The following SPOCK3 variants were observed in gnomAD, a reference collection of about 807,000 sequenced individuals.
The protein encoded by SPOCK3 is testican-3.
In SPOCK3, 30 loss-of-function variants were observed where a neutral mutation model predicts 56.6. That is an observed-to-expected ratio of 0.53 (90% CI 0.40 to 0.72). The LOEUF is 0.72. Among genes scored for constraint, SPOCK3 ranks in the 30% least tolerant of loss-of-function variants. The pLI is 0.00. For synonymous variants in SPOCK3, 196 were observed against 183.3 expected, an observed-to-expected ratio of 1.07 and a Z score of -0.56; for missense variants, 527 against 530.0, an observed-to-expected ratio of 0.99 and a Z score of 0.06.
intron 3 of SPOCK3, among the ~76,000 whole-genome samples, chr4:167,043,669 C>T (rs918102657): frequency 5.9e-5 from 9 of 151,860 alleles, no homozygotes; most frequent in African/African-American, 2.2e-4. Flanking sequence ...TTGTTAAATG[C>T]TTTTTCTCCA....
At chr4:166,915,907 T>C (rs1561005293) in intron 4 of SPOCK3, among the ~76,000 whole-genome samples, 4 of 152,182 alleles carry the variant, frequency 2.6e-5, no homozygotes. Context: ...CTTCCACTAA[T>C]GAAGTAAAAA....
chr4:166,906,495 A>AT (rs1427836858), intron 5 of SPOCK3, among the ~76,000 whole-genome samples: 1 of 151,362 alleles, frequency 6.6e-6, no homozygotes, highest in South Asian at 2.1e-4. Context: ...AAAAAAAAAA[A>AT]AAAAAACCTA....
intron 7 of SPOCK3, 69 bp from the exon 8 acceptor site, chr4:166,754,798 C>A: frequency 6.9e-7 from 1 of 1,451,130 alleles, no homozygotes; most frequent in South Asian, 1.2e-5. Context: ...CAAAATAAGT[C>A]AACATAGCAG....
intron 7 of SPOCK3, among the ~76,000 whole-genome samples, chr4:166,784,208 A>G (rs1368292524): frequency 6.6e-6 from 1 of 152,156 alleles, no homozygotes; most frequent in Non-Finnish European, 1.5e-5. Context: ...AATAAAGGAT[A>G]ACCAAAAGTT....
intron 5 of SPOCK3, 58 bp from the exon 6 acceptor site, chr4:166,889,302 C>A (rs1233998177): frequency 1.1e-5 from 12 of 1,120,204 alleles, no homozygotes; most frequent in Non-Finnish European, 1.6e-5. Context: ...CAGTAAAACT[C>A]AAGAAATTTT....
At chr4:166,938,411 A>G (rs976040089) in intron 4 of SPOCK3, among the ~76,000 whole-genome samples, 9 of 152,200 alleles carry the variant, frequency 5.9e-5, no homozygotes, top group Admixed American at 2.0e-4. Context: ...GGAAGTATAC[A>G]TTCATAATTA....
Position 166,861,945 on chromosome 4 carries a change from A to G in SPOCK3, c.589+27185T>C, listed in dbSNP as rs529770064. Reference sequence around the variant, plus strand: ...TGGATCCATTAGCTCCACTTTAGCAATCCCCAGATAGTATTTTATTCCCTT... The same window carrying G: ...TGGATCCATTAGCTCCACTTTAGCAGTCCCCAGATAGTATTTTATTCCCTT... On this transcript the variant is annotated intron_variant, in intron 6 of 10. Coordinates refer to ENST00000357545, the MANE Select transcript of SPOCK3 (RefSeq NM_001040159.2). 2.0e-5 allele frequency among the ~76,000 whole-genome samples: 3 copies of G among 152,152 alleles called. No homozygotes were observed. The East Asian group carries it at 5.8e-4, about 29-fold the overall frequency.
At chr4:166,921,378 C>A (rs1233397775) in intron 4 of SPOCK3, among the ~76,000 whole-genome samples, 1 of 147,082 alleles carries the variant, frequency 6.8e-6, no homozygotes, top group Non-Finnish European at 1.5e-5. Flanking sequence ...GGCTGGAGTG[C>A]AGTGGCACAA....
chr4:166,745,317 G>C (rs62352831), intron 8 of SPOCK3, among the ~76,000 whole-genome samples: 37,129 of 152,072 alleles, frequency 0.24, 5,545 homozygotes, highest in African/African-American at 0.41. Context: ...AGCCAGAAGA[G>C]AGTGGGGGCC....
intron 6 of SPOCK3, among the ~76,000 whole-genome samples, chr4:166,830,876 A>C (rs1745971739): frequency 6.6e-6 from 1 of 152,226 alleles, no homozygotes; most frequent in South Asian, 2.1e-4. Context: ...CAAGGAAGAA[A>C]CTATTTAATT....
At chr4:167,039,972 T>C (rs1753106526) in intron 3 of SPOCK3, among the ~76,000 whole-genome samples, 1 of 152,182 alleles carries the variant, frequency 6.6e-6, no homozygotes, top group African/African-American at 2.4e-5. Flanking sequence ...TCTGAAAATG[T>C]TGCCTTTGGC....
chr4:166,854,273 TG>T (rs1356083624), intron 6 of SPOCK3, among the ~76,000 whole-genome samples: 1 of 152,218 alleles, frequency 6.6e-6, no homozygotes, highest in Middle Eastern at 3.2e-3. Context: ...ATATTCATTT[TG>T]TTTTCCAACA....
At chr4:167,110,448 T>C (rs1760801758) in intron 2 of SPOCK3, among the ~76,000 whole-genome samples, 1 of 152,108 alleles carries the variant, frequency 6.6e-6, no homozygotes, top group Non-Finnish European at 1.5e-5. Context: ...GCAGAAAGAA[T>C]TCTCACCTCT....
At chr4:167,032,244 T>G (rs1254277882) in intron 3 of SPOCK3, among the ~76,000 whole-genome samples, 1 of 151,980 alleles carries the variant, frequency 6.6e-6, no homozygotes, top group Middle Eastern at 3.2e-3. Context: ...TTACATATGA[T>G]TTAATTCCTC....
intron 2 of SPOCK3, among the ~76,000 whole-genome samples, chr4:167,163,582 C>A (rs189430585): frequency 4.1e-3 from 620 of 152,124 alleles, no homozygotes; most frequent in Non-Finnish European, 6.9e-3. Flanking sequence ...CCACCCCTCC[C>A]CACTACCCTT....
At chr4:166,929,041 C>T (rs9312449) in intron 4 of SPOCK3, among the ~76,000 whole-genome samples, 60,256 of 151,864 alleles carry the variant, frequency 0.4, 13,633 homozygotes, top group East Asian at 0.7. Flanking sequence ...GGTTTATGGA[C>T]TGTACCAAAT....
At chr4:167,119,678 A>T in intron 2 of SPOCK3, 1 of 687,010 alleles carries the variant, frequency 1.5e-6, no homozygotes, top group African/African-American at 1.8e-5. Flanking sequence ...TGTTTGATGC[A>T]TATCAGAAAA....
chr4:167,066,326 T>C (rs1163214229), intron 2 of SPOCK3, among the ~76,000 whole-genome samples: 1 of 151,850 alleles, frequency 6.6e-6, no homozygotes, highest in Admixed American at 6.6e-5. Flanking sequence ...TACCATCCTC[T>C]GCTTCTACTC....
At chr4:167,152,837 A>T (rs1481715303) in intron 2 of SPOCK3, among the ~76,000 whole-genome samples, 1 of 152,122 alleles carries the variant, frequency 6.6e-6, no homozygotes, top group Non-Finnish European at 1.5e-5. Context: ...GTTTTTTAAA[A>T]TTTGCTCCAA....
Sources: allele counts gnomAD v4.1 joint callset (sites outside exome capture counted in the v4.1 genomes callset), GRCh38; gene constraint gnomAD v4.1.1; transcripts MANE v1.5; gene names NCBI Gene and HGNC (gene_info 2026-07-23, HGNC 2026-07-21).